The following PRTFDC1 variants were observed in gnomAD, a reference collection of about 807,000 sequenced individuals.
PRTFDC1 encodes the protein phosphoribosyl transferase domain containing 1, also known as phosphoribosyltransferase domain-containing protein 1.
A neutral mutation model predicts 34.6 loss-of-function variants in PRTFDC1; 38 were observed. The observed-to-expected ratio is 1.10, with a 90% CI of 0.85 to 1.44. The LOEUF is 1.44. Among genes scored for constraint, PRTFDC1 ranks in the 40% most tolerant of loss-of-function variants. The pLI, the probability that PRTFDC1 is intolerant of heterozygous loss-of-function variation, is 0.00. For missense variants in PRTFDC1, 270 were observed against 283.0 expected (o/e 0.95, Z 0.33); for synonymous variants, 93 against 98.1 (o/e 0.95, Z 0.31).
intron 8 of PRTFDC1, among the ~76,000 whole-genome samples, chr10:24,850,628 C>A (rs1189883304): frequency 6.6e-6 from 1 of 151,952 alleles, no homozygotes; most frequent in African/African-American, 2.4e-5. Context: ...TGGAGTGAGA[C>A]CCTGTGTCTT....
chr10:24,851,189 T>C (rs1215233079), intron 8 of PRTFDC1, among the ~76,000 whole-genome samples, 199 bp downstream of exon 8: 1 of 152,184 alleles, frequency 6.6e-6, no homozygotes, highest in Non-Finnish European at 1.5e-5. Context: ...ATAATCATAA[T>C]TTGCCTCTAT....
intron 6 of PRTFDC1, 136 bp downstream of exon 6, chr10:24,856,777 A>T: frequency 1.3e-6 from 1 of 761,772 alleles, no homozygotes. Context: ...CAGTGTGGTC[A>T]AGCTGTAATA....
intron 3 of PRTFDC1, among the ~76,000 whole-genome samples, chr10:24,898,509 A>T (rs1433539065): frequency 1.3e-5 from 2 of 149,788 alleles, no homozygotes; most frequent in Non-Finnish European, 3.0e-5. Context: ...CAGCAGGCTT[A>T]GGAAGGCAGT....
chr10:24,888,499 C>A (rs187718341), intron 3 of PRTFDC1, among the ~76,000 whole-genome samples: 25 of 152,242 alleles, frequency 1.6e-4, no homozygotes. Flanking sequence ...GGGAAGGGAG[C>A]GGACATGGGA....
At chr10:24,876,809 A>C (rs1847973585) in intron 3 of PRTFDC1, among the ~76,000 whole-genome samples, 1 of 151,826 alleles carries the variant, frequency 6.6e-6, no homozygotes, top group Non-Finnish European at 1.5e-5. Flanking sequence ...TCAGTCTCCC[A>C]ATTTCTTTTT....
chr10:24,922,970 A>T (rs917917044), intron 3 of PRTFDC1, among the ~76,000 whole-genome samples: 3 of 152,234 alleles, frequency 2.0e-5, no homozygotes, highest in Non-Finnish European at 2.9e-5. Flanking sequence ...CAGTCTTAGC[A>T]ACTGGCAGAC....
chr10:24,940,239 G>A (rs1849133970), intron 2 of PRTFDC1, among the ~76,000 whole-genome samples: 1 of 152,112 alleles, frequency 6.6e-6, no homozygotes, highest in Non-Finnish European at 1.5e-5. Context: ...CCCCACAACA[G>A]CAGGATACAC....
chr10:24,871,089 A>AAC (rs1193530063), intron 4 of PRTFDC1, among the ~76,000 whole-genome samples: 2 of 150,350 alleles, frequency 1.3e-5, no homozygotes, highest in African/African-American at 4.9e-5. Flanking sequence ...AAAAAAAAAA[A>AAC]AGTCCTTGTG....
chr10:24,878,821 C>G (rs1001883515), intron 3 of PRTFDC1, among the ~76,000 whole-genome samples: 1 of 152,204 alleles, frequency 6.6e-6, no homozygotes, highest in Non-Finnish European at 1.5e-5. Context: ...AGAGAACCAC[C>G]CTCTAAGCCA....
chr10:24,880,539 T>G (rs530393249), intron 3 of PRTFDC1, among the ~76,000 whole-genome samples: 1 of 152,366 alleles, frequency 6.6e-6, no homozygotes, highest in South Asian at 2.1e-4. Context: ...ATTTATTCTT[T>G]GTTCATTCAC....
chr10:24,892,318 C>G (rs995593989), intron 3 of PRTFDC1, among the ~76,000 whole-genome samples: 4 of 152,050 alleles, frequency 2.6e-5, no homozygotes, highest in Admixed American at 6.5e-5. Context: ...TTTGAGGAAC[C>G]CCCATACTGT....
intron 3 of PRTFDC1, among the ~76,000 whole-genome samples, chr10:24,919,708 G>C (rs530076917): frequency 7.2e-5 from 11 of 152,088 alleles, no homozygotes; most frequent in African/African-American, 2.7e-4. Flanking sequence ...CTTATAGATG[G>C]GAGAAAATTT....
intron 3 of PRTFDC1, among the ~76,000 whole-genome samples, chr10:24,878,283 A>G (rs1291395296): frequency 8.5e-6 from 1 of 117,594 alleles, no homozygotes; most frequent in East Asian, 2.8e-4. Context: ...AAAAAAAAAG[A>G]AAGAAACTTT....
intron 3 of PRTFDC1, among the ~76,000 whole-genome samples, chr10:24,930,747 A>G (rs1031212030): frequency 3.3e-5 from 5 of 152,104 alleles, no homozygotes; most frequent in Non-Finnish European, 7.4e-5. Context: ...TGTAGTACAA[A>G]TATAATAAGG....
chr10:24,895,917 A>G (rs1314238850), intron 3 of PRTFDC1, among the ~76,000 whole-genome samples: 1 of 152,030 alleles, frequency 6.6e-6, no homozygotes, highest in Non-Finnish European at 1.5e-5. Context: ...ATGTCAACGC[A>G]TATTTAATCT....
At chr10:24,860,475 A>G (rs1288056334) in intron 4 of PRTFDC1, among the ~76,000 whole-genome samples, 1 of 152,196 alleles carries the variant, frequency 6.6e-6, no homozygotes, top group Admixed American at 6.5e-5. Context: ...TTAACCACCC[A>G]ACCACCAAAC....
At chr10:24,935,840 GGA>G (rs1359132017) in intron 3 of PRTFDC1, among the ~76,000 whole-genome samples, 1 of 152,180 alleles carries the variant, frequency 6.6e-6, no homozygotes, top group East Asian at 1.9e-4. Context: ...CCCTAGGAGT[GGA>G]GAGTCTACCA....
At chr10:24,936,901 C>T (rs1305687072) in intron 3 of PRTFDC1, among the ~76,000 whole-genome samples, 2 of 152,148 alleles carry the variant, frequency 1.3e-5, no homozygotes, top group African/African-American at 4.8e-5. Context: ...GGCTGGGCAC[C>T]AGGATATAAC....
At chr10:24,889,019 AC>A (rs1174970662) in intron 3 of PRTFDC1, among the ~76,000 whole-genome samples, 14 of 151,866 alleles carry the variant, frequency 9.2e-5, no homozygotes, top group African/African-American at 3.1e-4. Flanking sequence ...AATGTTTGTT[AC>A]CCCCCTCCCC....
Sources: gnomAD v4.1 joint callset for allele counts (sites outside exome capture counted in the v4.1 genomes callset) on GRCh38, gnomAD v4.1.1 for gene constraint, MANE v1.5 for transcripts, NCBI Gene and HGNC (gene_info 2026-07-23, HGNC 2026-07-21) for gene names.